PTPRA: variants seen among roughly 807,000 people sequenced by gnomAD.
The protein encoded by PTPRA is receptor-type tyrosine-protein phosphatase alpha.
A neutral mutation model predicts 104.8 loss-of-function variants in PTPRA; 25 were observed. The ratio of observed to expected loss-of-function variants is 0.24; its 90% CI spans 0.17 to 0.33. The LOEUF is 0.33. PTPRA is among the 10% of genes least tolerant of loss of function. The pLI, the probability that PTPRA is intolerant of heterozygous loss-of-function variation, is 1.00. For missense variants in PTPRA, 765 were observed against 1,015.3 expected, an observed-to-expected ratio of 0.75 and a Z score of 3.35; for synonymous variants, 323 against 368.9, an observed-to-expected ratio of 0.88 and a Z score of 1.43.
chr20:3,032,894 G>A (rs1472514118), intron 20 of PTPRA, among the ~76,000 whole-genome samples: 1 of 150,810 alleles, frequency 6.6e-6, no homozygotes, highest in Non-Finnish European at 1.5e-5. Context: ...AAATCCAAAG[G>A]TCATTTCTCT....
chr20:2,901,421 CAG>C (rs2059233496), intron 1 of PTPRA, among the ~76,000 whole-genome samples: 1 of 152,100 alleles, frequency 6.6e-6, no homozygotes, highest in Non-Finnish European at 1.5e-5. Flanking sequence ...TTCCTTTGAA[CAG>C]AGAGGTTGCT....
chr20:2,864,665 CATGGGGCGT>C, the PTPRA span: 7 of 1,613,304 alleles, frequency 4.3e-6, no homozygotes, highest in South Asian at 3.3e-5. This position sits in a 1 kb window ranked among gnomAD's most constrained non-coding sequence, Gnocchi z 5.2. Flanking sequence ...GTCTGAGATC[CATGGGGCGT>C]GTGGGGCGTG....
chr20:2,877,804 T>G (rs2089818559), intron 1 of PTPRA, among the ~76,000 whole-genome samples: 1 of 152,256 alleles, frequency 6.6e-6, no homozygotes, highest in South Asian at 2.1e-4. Flanking sequence ...ATATGATTTT[T>G]GAATTCTTCA....
chr20:2,943,396 G>C (rs905409878), intron 2 of PTPRA, among the ~76,000 whole-genome samples: 7 of 152,146 alleles, frequency 4.6e-5, no homozygotes, highest in Admixed American at 4.6e-4. Context: ...AGGGTAGTCT[G>C]CTGGAGAATT....
At chr20:2,893,940 A>T (rs1013503752) in intron 1 of PTPRA, among the ~76,000 whole-genome samples, 1 of 152,120 alleles carries the variant, frequency 6.6e-6, no homozygotes, top group African/African-American at 2.4e-5. Context: ...TAAGCATTCT[A>T]CTAGAACTAA....
chr20:2,965,403 G>A (rs6138968), intron 5 of PTPRA, among the ~76,000 whole-genome samples: 1 of 152,180 alleles, frequency 6.6e-6, no homozygotes, highest in Non-Finnish European at 1.5e-5. Flanking sequence ...CTTTCTGCTA[G>A]GTGGGATCCT....
chr20:2,959,752 A>G (rs1415470388), intron 3 of PTPRA, among the ~76,000 whole-genome samples: 2 of 152,190 alleles, frequency 1.3e-5, no homozygotes, highest in Admixed American at 1.3e-4. Flanking sequence ...GGAGTTTAAG[A>G]CCAGCCTGGC....
chr20:3,019,909 C>CA (rs1568701021), intron 13 of PTPRA, among the ~76,000 whole-genome samples: 5 of 151,954 alleles, frequency 3.3e-5, no homozygotes, highest in African/African-American at 4.8e-5. Context: ...CCGTCTCCAC[C>CA]AAAAAAATAC....
At chr20:2,973,084 A>G (rs1052170179) in intron 5 of PTPRA, among the ~76,000 whole-genome samples, 20 of 151,966 alleles carry the variant, frequency 1.3e-4, no homozygotes, top group African/African-American at 3.4e-4. Context: ...TATTTATTAT[A>G]ATAGCCTACA....
rs375686832 is a variant in PTPRA, at chr20:3,035,979, C to A, written c.2198+38C>A. The A allele has an allele frequency of 6.2e-7, 1 of 1,611,106 alleles. No individual in the cohort carries two copies. The highest frequency in any genetic ancestry group is 8.5e-7 in the Non-Finnish European group (1 of 1,179,040). On this transcript the variant is annotated intron_variant, in intron 22 of 23. Transcript: ENST00000399903. This position sits in a 1 kb window ranked among gnomAD's most constrained non-coding sequence, Gnocchi z 5.8. ...CTTGCCCTCAGCGGGAGAGAGAAAG[C>A]GAGGAGGGGCAGATAGGGGAAGCTG...
At chr20:2,974,232 G>T (rs940097926) in intron 5 of PTPRA, among the ~76,000 whole-genome samples, 1 of 152,016 alleles carries the variant, frequency 6.6e-6, no homozygotes. Context: ...AGGATTACAG[G>T]CGTGAGCCAC....
intron 1 of PTPRA, among the ~76,000 whole-genome samples, chr20:2,916,994 A>C (rs960299554): frequency 8.3e-4 from 104 of 125,360 alleles, no homozygotes; most frequent in African/African-American, 2.9e-3. Context: ...GTCTCCCTCT[A>C]TTGCCCAGGC....
chr20:2,940,128 A>G (rs2060855376), intron 2 of PTPRA, among the ~76,000 whole-genome samples: 1 of 152,206 alleles, frequency 6.6e-6, no homozygotes, highest in Non-Finnish European at 1.5e-5. Context: ...AACAAAAACA[A>G]AAACAAATCA....
intron 2 of PTPRA, among the ~76,000 whole-genome samples, chr20:2,946,285 C>T (rs2061128487): frequency 6.6e-6 from 1 of 152,088 alleles, no homozygotes; most frequent in Admixed American, 6.5e-5. Context: ...CCCCCAACCC[C>T]CATTTTTCTC....
intron 9 of PTPRA, among the ~76,000 whole-genome samples, chr20:2,991,228 A>AC (rs760538521): frequency 3.9e-5 from 6 of 152,048 alleles, no homozygotes; most frequent in Non-Finnish European, 7.4e-5. Context: ...GCGTGGTGGC[A>AC]CGTGCCTGTA....
Position 2,988,019 on chromosome 20 carries a change from A to G in PTPRA, c.528-13A>G, listed in dbSNP as rs761516816. On this transcript the variant is annotated splice_polypyrimidine_tract_variant and intron_variant, in intron 7 of 23. Transcript: ENST00000399903. ...CTGTGCTCCATTCTTCACTGTGATC[A>G]TTTTCTCATTAGGTTTAAGAAATAC... is the stretch of plus-strand genomic sequence containing the variant. 14 of 1,545,784 alleles carry G rather than the reference A, an allele frequency of 9.1e-6. No homozygotes were observed. Among genetic ancestry groups the G allele is most frequent in the African/African-American group, 2.7e-5 (2 of 73,396 alleles).
intron 11 of PTPRA, among the ~76,000 whole-genome samples, chr20:3,010,012 C>A (rs1023184543): frequency 6.6e-6 from 1 of 151,984 alleles, no homozygotes; most frequent in Non-Finnish European, 1.5e-5. Flanking sequence ...CCATGCCCAG[C>A]TAATTTTTTG....
chr20:2,967,873 G>T (rs1197573392), intron 5 of PTPRA, among the ~76,000 whole-genome samples: 1 of 152,142 alleles, frequency 6.6e-6, no homozygotes, highest in Non-Finnish European at 1.5e-5. Context: ...AAAAGTTATT[G>T]CTACTCAATT....
At chr20:3,000,653 T>C (rs550239456) in intron 9 of PTPRA, among the ~76,000 whole-genome samples, 3 of 152,260 alleles carry the variant, frequency 2.0e-5, no homozygotes, top group Admixed American at 1.3e-4. Context: ...AGTAGTAGAA[T>C]GGATAAGTAA....
Sources: allele counts gnomAD v4.1 joint callset (sites outside exome capture counted in the v4.1 genomes callset), GRCh38; gene constraint gnomAD v4.1.1; non-coding constraint Gnocchi (gnomAD v3.1); transcripts MANE v1.5; gene names NCBI Gene and HGNC (gene_info 2026-07-23, HGNC 2026-07-21).